The following MTSS1 variants were observed in gnomAD, a reference collection of about 807,000 sequenced individuals.
MTSS1 encodes MTSS I-BAR domain containing 1, also known as protein MTSS 1.
Under a neutral mutation model 79.0 loss-of-function variants are expected in MTSS1, and 18 were observed. That is an observed-to-expected ratio of 0.23 (90% CI 0.16 to 0.34). The LOEUF is 0.34. MTSS1 is among the 10% of genes least tolerant of loss of function. The pLI is 1.00. For missense variants in MTSS1, 815 were observed against 986.2 expected (o/e 0.83, Z 2.33); for synonymous variants, 341 against 368.6 (o/e 0.93, Z 0.86).
At position 124,727,990 on chromosome 8, in the gene MTSS1, G is replaced by T; in HGVS notation, c.-35C>A. 1 of 1,593,242 alleles carries T rather than the reference G, an allele frequency of 6.3e-7. No homozygotes were observed. Among genetic ancestry groups the T allele is most frequent in the Non-Finnish European group, 8.6e-7 (1 of 1,167,312 alleles). On this transcript the variant is annotated 5_prime_UTR_variant, in exon 1 of 14. Coordinates refer to ENST00000518547, the MANE Select transcript of MTSS1 (RefSeq NM_014751.6). This position sits in a 1 kb window ranked among gnomAD's most constrained non-coding sequence, Gnocchi z 4.7. ...TCCGGCAGGGCGAGGGCACACACGC[G>T]GGGCCGCTGGACTGCGCGCGGGGCC...
At chr8:124,584,048 T>C (rs1008433172) in intron 6 of MTSS1, among the ~76,000 whole-genome samples, 3 of 152,224 alleles carry the variant, frequency 2.0e-5, no homozygotes, top group African/African-American at 7.2e-5. Flanking sequence ...AAAATGGGTT[T>C]ATGGTTGTTG....
chr8:124,635,341 G>A (rs1002723009), intron 3 of MTSS1, among the ~76,000 whole-genome samples: 1 of 152,238 alleles, frequency 6.6e-6, no homozygotes, highest in African/African-American at 2.4e-5. Flanking sequence ...TCTGTACACA[G>A]AGAAGCTCTG....
At chr8:124,695,544 G>A (rs1418605726) in intron 3 of MTSS1, among the ~76,000 whole-genome samples, 1 of 152,158 alleles carries the variant, frequency 6.6e-6, no homozygotes, top group Non-Finnish European at 1.5e-5. Flanking sequence ...ATTAAAAATA[G>A]ATCACTTGTA....
chr8:124,642,166 C>T (rs374745159), intron 3 of MTSS1, among the ~76,000 whole-genome samples: 3 of 152,054 alleles, frequency 2.0e-5, no homozygotes, highest in Admixed American at 1.3e-4. Flanking sequence ...AACTCTGAAA[C>T]GAGGCAGGTG....
At chr8:124,646,489 A>G (rs985131140) in intron 3 of MTSS1, among the ~76,000 whole-genome samples, 2 of 152,184 alleles carry the variant, frequency 1.3e-5, no homozygotes, top group Non-Finnish European at 2.9e-5. Context: ...TTACACTTCT[A>G]CTGACTTTTA....
Position 124,567,183 on chromosome 8 carries a change from A to T in MTSS1, c.619-5T>A, listed in dbSNP as rs529305513. 98 of 1,585,476 alleles carry T rather than the reference A, an allele frequency of 6.2e-5. No homozygotes were observed. In the South Asian group the frequency reaches 1.0e-3, roughly 16 times the overall value. ...TAGCATTGAGATTTCTTCTTCCTGA[A>T]GGAAAAGTCATTCATGAAATGTTAT... is the stretch of plus-strand genomic sequence containing the variant. On this transcript the variant is annotated splice_polypyrimidine_tract_variant and splice_region_variant and intron_variant, in intron 7 of 13. Coordinates refer to ENST00000518547, the MANE Select transcript of MTSS1 (RefSeq NM_014751.6).
chr8:124,672,000 A>C (rs1301193981), intron 3 of MTSS1, among the ~76,000 whole-genome samples: 2 of 152,220 alleles, frequency 1.3e-5, no homozygotes, highest in East Asian at 3.9e-4. Context: ...CATAGCAAGT[A>C]ATACTCTGTG....
chr8:124,615,367 T>TA (rs1157203948), intron 3 of MTSS1, among the ~76,000 whole-genome samples: 2 of 151,954 alleles, frequency 1.3e-5, no homozygotes, highest in African/African-American at 4.8e-5. Context: ...AACATATACA[T>TA]ACAATGGATT....
chr8:124,583,682 A>G (rs1240292740), intron 6 of MTSS1, among the ~76,000 whole-genome samples: 1 of 152,166 alleles, frequency 6.6e-6, no homozygotes, highest in African/African-American at 2.4e-5. Flanking sequence ...TTCTAAGCCT[A>G]AGCATCTTCC....
At chr8:124,601,250 C>T (rs1019181628) in intron 3 of MTSS1, among the ~76,000 whole-genome samples, 15 of 152,048 alleles carry the variant, frequency 9.9e-5, no homozygotes, top group Middle Eastern at 3.4e-3. Context: ...TTAGTAGAGA[C>T]GGGGTTTCAC....
chr8:124,629,505 C>CAAAAAAAAAAAAAAAAAAAAA (rs982816199), intron 3 of MTSS1, among the ~76,000 whole-genome samples: 4 of 62,214 alleles, frequency 6.4e-5, no homozygotes, highest in African/African-American at 1.0e-4. Flanking sequence ...GACTCCGTCT[C>CAAAAAAAAAAAAAAAAAAAAA]AAAAAAAAAA....
In MTSS1 at chr8:124,551,232, T is replaced by C. The variant is rs1822472570; in HGVS notation, c.*1760A>G. On this transcript the variant is annotated 3_prime_UTR_variant, in exon 14 of 14. Coordinates refer to ENST00000518547, the MANE Select transcript of MTSS1 (RefSeq NM_014751.6). ...TGCAAAAACCATCTCAAGCATCATATGCACAATGCATCAGCTACTTTTAGT... is the reference window on the plus strand; with the variant it reads ...TGCAAAAACCATCTCAAGCATCATACGCACAATGCATCAGCTACTTTTAGT... 1 of 152,696 alleles carries C rather than the reference T, an allele frequency of 6.5e-6. No homozygotes were observed. Among genetic ancestry groups the C allele is most frequent in the Non-Finnish European group, 1.5e-5 (1 of 68,044 alleles). 9.5% of individuals were successfully genotyped at this position (152,696 alleles called of 1,614,324 possible).
At chr8:124,626,382 A>G (rs1814669286) in intron 3 of MTSS1, among the ~76,000 whole-genome samples, 1 of 152,142 alleles carries the variant, frequency 6.6e-6, no homozygotes, top group Non-Finnish European at 1.5e-5. Context: ...CGCATCTGTA[A>G]TCTCAGCTAC....
At chr8:124,577,274 G>A (rs6998462) in intron 6 of MTSS1, among the ~76,000 whole-genome samples, 75,405 of 152,070 alleles carry the variant, frequency 0.5, 19,159 homozygotes, top group Non-Finnish European at 0.56. Context: ...TTTGGAGACA[G>A]GGTCTCACTC....
At position 124,557,395 on chromosome 8, in the gene MTSS1, C is replaced by T. The variant is rs1003302879; in HGVS notation, c.1230+286G>A. Among the ~76,000 whole-genome samples, 10 of 152,182 alleles carry T rather than the reference C, an allele frequency of 6.6e-5. 1 individual carries two copies. Among genetic ancestry groups the T allele is most frequent in the Admixed American group, 5.9e-4 (9 of 15,284 alleles). ...AACTGGGCCTTTGGACTTGGAATTG[C>T]CGCTGCCTGCGGTGCACACTGCACT... On this transcript the variant is annotated intron_variant, in intron 11 of 13. Transcript: ENST00000518547.
chr8:124,609,079 C>A (rs1835329434), intron 3 of MTSS1, among the ~76,000 whole-genome samples: 1 of 152,194 alleles, frequency 6.6e-6, no homozygotes, highest in Non-Finnish European at 1.5e-5. Flanking sequence ...GTTTCACCAG[C>A]CAGAATACTT....
At chr8:124,720,653 A>G (rs1832773824) in intron 1 of MTSS1, among the ~76,000 whole-genome samples, 1 of 152,224 alleles carries the variant, frequency 6.6e-6, no homozygotes, top group African/African-American at 2.4e-5. Flanking sequence ...AGCAAGAAAA[A>G]AACTCAACTT....
intron 6 of MTSS1, chr8:124,577,736 AC>A: frequency 2.2e-6 from 1 of 458,708 alleles, no homozygotes; most frequent in Non-Finnish European, 4.4e-6. Flanking sequence ...ACTGGCTGGA[AC>A]CATCCCACCC....
intron 6 of MTSS1, among the ~76,000 whole-genome samples, chr8:124,584,332 T>A (rs1403204652): frequency 6.6e-6 from 1 of 152,156 alleles, no homozygotes; most frequent in Non-Finnish European, 1.5e-5. Context: ...ATTCAGAAAC[T>A]TGGTGTCAAA....
Sources: allele counts gnomAD v4.1 joint callset (sites outside exome capture counted in the v4.1 genomes callset), GRCh38; gene constraint gnomAD v4.1.1; non-coding constraint Gnocchi (gnomAD v3.1); transcripts MANE v1.5; gene names NCBI Gene and HGNC (gene_info 2026-07-23, HGNC 2026-07-21).